The following LZTFL1 variants were observed in gnomAD, a reference collection of about 807,000 sequenced individuals.
LZTFL1 encodes leucine zipper transcription factor like 1.
Under a neutral mutation model 45.9 loss-of-function variants are expected in LZTFL1, and 25 were observed. That is an observed-to-expected ratio of 0.54 (90% CI 0.40 to 0.76). The LOEUF (loss-of-function observed/expected upper bound fraction) is 0.76. LZTFL1 is among the 30% of genes least tolerant of loss of function. The pLI, the probability that LZTFL1 is intolerant of heterozygous loss-of-function variation, is 0.00. For synonymous variants in LZTFL1, 93 were observed against 117.4 expected, an observed-to-expected ratio of 0.79 and a Z score of 1.35; for missense variants, 277 against 331.1, an observed-to-expected ratio of 0.84 and a Z score of 1.27.
At position 45,841,671 on chromosome 3, in the gene LZTFL1, G is replaced by A. The variant is rs1575263483; in HGVS notation, c.3+318C>T. The A allele has an allele frequency of 2.2e-5, 11 of 503,366 alleles. No homozygotes were observed. In the East Asian group the frequency reaches 3.2e-4, roughly 14 times the overall value. 31.2% of individuals were successfully genotyped at this position (503,366 alleles called of 1,614,324 possible). ...CCCTGCCGTGCACCTTAGGCCGGCAGCAGTTTCCTCTATCTCTCCTCACCT... is the reference window on the plus strand; with the variant it reads ...CCCTGCCGTGCACCTTAGGCCGGCAACAGTTTCCTCTATCTCTCCTCACCT... On this transcript the variant is annotated intron_variant, in intron 1 of 9. Coordinates refer to ENST00000296135, the MANE Select transcript of LZTFL1 (RefSeq NM_020347.4).
intron 3 of LZTFL1, among the ~76,000 whole-genome samples, chr3:45,858,317 T>A (rs1701427680): frequency 6.6e-6 from 1 of 152,204 alleles, no homozygotes; most frequent in Non-Finnish European, 1.5e-5. Context: ...CTTATACTTG[T>A]AAATACTGTA....
At chr3:45,894,921 T>C in intron 2 of LZTFL1, 2 of 1,614,038 alleles carry the variant, frequency 1.2e-6, no homozygotes, top group Non-Finnish European at 1.7e-6. Flanking sequence ...GGCTTGCATC[T>C]GACTGACCCA....
chr3:45,827,143 T>C, intron 9 of LZTFL1: 1 of 530,968 alleles, frequency 1.9e-6, no homozygotes, highest in Non-Finnish European at 3.3e-6. Flanking sequence ...CCTGTGTGAG[T>C]CTAAAGGCCT....
intron 4 of LZTFL1, among the ~76,000 whole-genome samples, chr3:45,852,026 G>T (rs896872404): frequency 6.6e-6 from 1 of 152,074 alleles, no homozygotes; most frequent in African/African-American, 2.4e-5. Flanking sequence ...GTCCTGACAC[G>T]TTCATCTCCC....
At chr3:45,865,956 TA>T (rs1701571949) in intron 2 of LZTFL1, among the ~76,000 whole-genome samples, 1 of 152,190 alleles carries the variant, frequency 6.6e-6, no homozygotes, top group Non-Finnish European at 1.5e-5. Flanking sequence ...TATTCCACAA[TA>T]ATAGGAAACA....
chr3:45,873,105 C>T (rs1488977604), intron 2 of LZTFL1, among the ~76,000 whole-genome samples: 1 of 152,186 alleles, frequency 6.6e-6, no homozygotes, highest in Non-Finnish European at 1.5e-5. Flanking sequence ...TAAGACAAAC[C>T]TGTTCCTTGT....
At chr3:45,827,101 T>G (rs766146183) in intron 9 of LZTFL1, 2 of 426,968 alleles carry the variant, frequency 4.7e-6, no homozygotes, top group Non-Finnish European at 8.3e-6. Context: ...TCCTGCTAAG[T>G]GAATCCATTG....
Position 45,885,892 on chromosome 3 carries a change from G to A in LZTFL1, c.-214-26876C>T, listed in dbSNP as rs1701969427. ...CATGCCTGCCTAATTGTTTTTGTGT[G>A]TTTTGTAGAGATGAGGTTTCACCAT... On this transcript the variant is annotated intron_variant, in intron 2 of 4. Coordinates refer to the LZTFL1 transcript ENST00000472635. Among the ~76,000 whole-genome samples the A allele has an allele frequency of 2.0e-5, 3 of 152,072 alleles. No homozygotes were observed. In the South Asian group the frequency reaches 6.2e-4, roughly 31 times the overall value.
rs146953350 is a variant in LZTFL1, at chr3:45,886,923, G to A, written c.-215+26197C>T. ...GGCAGTCTGTGATTTATACCTTAAA[G>A]GAAGGAGAAGCAGGTGCTGGGGGAC... On this transcript the variant is annotated intron_variant, in intron 2 of 4. Transcript: ENST00000472635. Among the ~76,000 whole-genome samples the A allele has an allele frequency of 6.1e-4, 93 of 152,308 alleles. 1 individual carries two copies. The East Asian group carries it at 0.016, about 26-fold the overall frequency.
At chr3:45,851,716 C>T (rs1279868755) in intron 4 of LZTFL1, among the ~76,000 whole-genome samples, 1 of 151,880 alleles carries the variant, frequency 6.6e-6, no homozygotes, top group African/African-American at 2.4e-5. Context: ...GGTGCGGTGG[C>T]TCACACTTGT....
At chr3:45,871,985 TG>T in intron 2 of LZTFL1, among the ~76,000 whole-genome samples, 1 of 152,342 alleles carries the variant, frequency 6.6e-6, no homozygotes, top group Non-Finnish European at 1.5e-5. Context: ...GGCCCCCACC[TG>T]GGGTTATCTG....
rs1702512871 is a variant in LZTFL1, at chr3:45,900,401, G to A, written c.-215+12719C>T. Among the ~76,000 whole-genome samples, 1 of 152,114 alleles carries A rather than the reference G, an allele frequency of 6.6e-6. No homozygotes were observed. The highest frequency in any genetic ancestry group is 2.4e-5 in the African/African-American group (1 of 41,416). On this transcript the variant is annotated intron_variant, in intron 2 of 4. Transcript: ENST00000472635. The surrounding 1 kb of genome is among the most constrained non-coding windows in gnomAD (Gnocchi z 4.7). The stretch of plus-strand genomic sequence containing the variant: ...TCAGTGAAAAACTGAATAGATAGGA[G>A]AAGTACGATCACAGTCATATCACAG...
intron 1 of LZTFL1, chr3:45,915,281 CCTTT>C: frequency 3.5e-6 from 1 of 288,786 alleles, no homozygotes; most frequent in Non-Finnish European, 7.1e-6. Flanking sequence ...TTAGGGAGGC[CCTTT>C]CTGTTACCCC....
At chr3:45,873,609 T>C (rs902240305) in intron 2 of LZTFL1, among the ~76,000 whole-genome samples, 1 of 152,200 alleles carries the variant, frequency 6.6e-6, no homozygotes, top group Admixed American at 6.5e-5. Context: ...TATTTTCTTC[T>C]TACAATGTCT....
chr3:45,838,150 A>T, intron 1 of LZTFL1, 99 bp from the exon 2 acceptor site: 1 of 1,279,826 alleles, frequency 7.8e-7, no homozygotes, highest in Non-Finnish European at 1.1e-6. Flanking sequence ...AGACTGCTAG[A>T]TCTCCATCAA....
At chr3:45,874,231 C>T (rs1179980409) in intron 2 of LZTFL1, among the ~76,000 whole-genome samples, 2 of 152,192 alleles carry the variant, frequency 1.3e-5, no homozygotes, top group Non-Finnish European at 2.9e-5. Flanking sequence ...GGGTCCACAA[C>T]TATTTCATGA....
chr3:45,829,431 C>T lies in LZTFL1; in HGVS notation c.601-816G>A, dbSNP rs563602899. Among the ~76,000 whole-genome samples, 47 of 151,740 alleles carry T rather than the reference C, an allele frequency of 3.1e-4. 1 individual carries two copies. The South Asian group carries it at 6.9e-3, about 22-fold the overall frequency. On this transcript the variant is annotated intron_variant, in intron 7 of 9. Coordinates refer to ENST00000296135, the MANE Select transcript of LZTFL1 (RefSeq NM_020347.4). ...CAGCCTGGGCAACAGAGCAAGACCC[C>T]GTCTCTACAAAAAATATAAAAAATT...
intron 2 of LZTFL1, among the ~76,000 whole-genome samples, chr3:45,863,365 G>A (rs891736424): frequency 6.6e-6 from 1 of 152,178 alleles, no homozygotes; most frequent in Non-Finnish European, 1.5e-5. Context: ...TCCAGGCAAG[G>A]ACTATCAACC....
Position 45,907,590 on chromosome 3 carries a change from G to A in LZTFL1, c.-215+5530C>T, listed in dbSNP as rs187550323. Among the ~76,000 whole-genome samples, 18 of 152,278 alleles carry A rather than the reference G, an allele frequency of 1.2e-4. No homozygotes were observed. In the East Asian group the frequency reaches 1.7e-3, roughly 15 times the overall value. ...AGAGCTGGCCGAAGCGTCCCTTCTC[G>A]TATTAAAAGGTACTATGGCAATTGC... On this transcript the variant is annotated intron_variant, in intron 2 of 4. Transcript: ENST00000472635.
Sources: gnomAD v4.1 joint callset for allele counts (sites outside exome capture counted in the v4.1 genomes callset) on GRCh38, gnomAD v4.1.1 for gene constraint, Gnocchi (gnomAD v3.1) non-coding constraint, MANE v1.5 for transcripts, NCBI Gene and HGNC (gene_info 2026-07-23, HGNC 2026-07-21) for gene names.